ADCY3: variants seen among roughly 807,000 people sequenced by gnomAD.
The protein encoded by ADCY3 is adenylate cyclase 3.
ADCY3 carries 70 observed loss-of-function variants against 119.4 expected under a neutral mutation model. The observed-to-expected ratio is 0.59, with a 90% CI of 0.48 to 0.72. The LOEUF (loss-of-function observed/expected upper bound fraction) is 0.72, where lower values mean the gene tolerates loss of function less well. ADCY3 is among the 30% of genes least tolerant of loss of function. The pLI is 0.00. For missense variants in ADCY3, 1,238 were observed against 1,541.6 expected, an observed-to-expected ratio of 0.80 and a Z score of 3.30; for synonymous variants, 672 against 621.4, an observed-to-expected ratio of 1.08 and a Z score of -1.21.
chr2:24,823,786 G>T (rs1668173149), intron 17 of ADCY3, among the ~76,000 whole-genome samples: 1 of 151,738 alleles, frequency 6.6e-6, no homozygotes, highest in African/African-American at 2.4e-5. Flanking sequence ...CCACCTCCCG[G>T]GTTCAAGTGA....
chr2:24,892,530 C>A (rs987067942), intron 2 of ADCY3, among the ~76,000 whole-genome samples: 7 of 152,010 alleles, frequency 4.6e-5, no homozygotes, highest in Non-Finnish European at 7.4e-5. Flanking sequence ...GGATTATAGG[C>A]GTGAGCCACC....
Position 24,819,941 on chromosome 2 carries a change from G to C in ADCY3, c.3426C>G (p.Asp1142Glu). The C allele has an allele frequency of 6.2e-7, 1 of 1,613,922 alleles. No individual in the cohort carries two copies. Among genetic ancestry groups the C allele is most frequent in the East Asian group, 2.2e-5 (1 of 44,856 alleles). ...PSVTLPHQVVDNS is the reference protein window; with the variant it reads ...PSVTLPHQVVENS ...GCAGGCTCGAGGCCATTCAGGAGTT[G>C]TCCACCACCTGGTGGGGCAGTGTGA... The change falls in exon 22 of 22, where the codon GAC becomes GAG. Residue 1142 changes from aspartate to glutamate, a missense_variant. Coordinates refer to ENST00000679454, the MANE Select transcript of ADCY3 (RefSeq NM_004036.5).
At chr2:24,831,426 A>AGGCCCACCAC (rs1669490303) in intron 12 of ADCY3, among the ~76,000 whole-genome samples, 1 of 152,232 alleles carries the variant, frequency 6.6e-6, no homozygotes, top group African/African-American at 2.4e-5. Flanking sequence ...CGGCCCAACA[A>AGGCCCACCAC]GGCCCACCAC....
At chr2:24,821,399 G>GAACCTCCCC in intron 20 of ADCY3, 118 bp downstream of exon 20, 1 of 1,447,934 alleles carries the variant, frequency 6.9e-7, no homozygotes, top group Non-Finnish European at 9.3e-7. Flanking sequence ...GTGAGTGCGT[G>GAACCTCCCC]AACCTCCCCA....
At chr2:24,900,821 T>C (rs1294704877) in intron 2 of ADCY3, among the ~76,000 whole-genome samples, 1 of 152,048 alleles carries the variant, frequency 6.6e-6, no homozygotes, top group Non-Finnish European at 1.5e-5. Context: ...TCCCAGCAGT[T>C]TGGGAGGCCG....
intron 3 of ADCY3, among the ~76,000 whole-genome samples, chr2:24,846,615 G>C (rs1671677693): frequency 7.5e-6 from 1 of 134,082 alleles, no homozygotes; most frequent in Non-Finnish European, 1.6e-5. Flanking sequence ...TCTCGCTCTT[G>C]TCCCCCAGGC....
chr2:24,895,131 G>T (rs563425521), intron 2 of ADCY3, among the ~76,000 whole-genome samples: 2 of 151,356 alleles, frequency 1.3e-5, no homozygotes, highest in African/African-American at 2.4e-5. Flanking sequence ...TTGCTCTGTC[G>T]CCAGGCTGGA....
chr2:24,843,651 G>A (rs964429250), intron 3 of ADCY3, among the ~76,000 whole-genome samples: 10 of 152,222 alleles, frequency 6.6e-5, no homozygotes, highest in Admixed American at 1.3e-4. Flanking sequence ...TGGCTTGGGC[G>A]GTGCCGGTCT....
At chr2:24,826,183 C>T in intron 15 of ADCY3, 57 bp from the exon 16 acceptor site, 1 of 1,482,182 alleles carries the variant, frequency 6.7e-7, no homozygotes, top group Non-Finnish European at 9.4e-7. Flanking sequence ...TGGAGGGGGC[C>T]TGATTCCCTC....
rs115781538 is a variant in ADCY3 at position 24,842,024 on chromosome 2, G to A, written c.956+230C>T. ...GTGACCTCACAGGAGTCCCTTCCCC[G>A]CTCCAGGTGATATCTGTTCTATGAT... On this transcript the variant is annotated intron_variant, in intron 4 of 21. Transcript: ENST00000679454. The surrounding 1 kb of genome is among the most constrained non-coding windows in gnomAD (Gnocchi z 4.9). 4.7e-4 allele frequency among the ~76,000 whole-genome samples: 71 copies of A among 152,248 alleles called. No homozygotes were observed. The highest frequency in any genetic ancestry group is 1.5e-3 in the African/African-American group (63 of 41,552).
chr2:24,831,081 G>A (rs1056075), intron 12 of ADCY3, among the ~76,000 whole-genome samples: 4,477 of 152,212 alleles, frequency 0.029, 73 homozygotes, highest in South Asian at 0.051. Context: ...CACAGCAGAC[G>A]TGGTGACGAG....
At chr2:24,846,677 C>G (rs1212988740) in intron 3 of ADCY3, among the ~76,000 whole-genome samples, 2 of 151,412 alleles carry the variant, frequency 1.3e-5, no homozygotes, top group Non-Finnish European at 2.9e-5. Flanking sequence ...CTCCCCAGTT[C>G]AAGCAATTCT....
chr2:24,900,510 G>T (rs574468058), intron 2 of ADCY3, among the ~76,000 whole-genome samples: 2 of 151,904 alleles, frequency 1.3e-5, no homozygotes, highest in Admixed American at 6.6e-5. Flanking sequence ...TTTGTGTCCC[G>T]CAGCTAGGCA....
chr2:24,859,790 G>A (rs1324141330), intron 3 of ADCY3, among the ~76,000 whole-genome samples: 1 of 152,168 alleles, frequency 6.6e-6, no homozygotes, highest in Non-Finnish European at 1.5e-5. Context: ...GAGGTGGGGA[G>A]AGGCAGCTGT....
intron 15 of ADCY3, 39 bp from the exon 16 acceptor site, chr2:24,826,165 C>T: frequency 6.3e-7 from 1 of 1,587,408 alleles, no homozygotes. Flanking sequence ...GGGCTGTCAT[C>T]TGCCTCCTGG....
intron 2 of ADCY3, among the ~76,000 whole-genome samples, chr2:24,883,973 T>A (rs1676712632): frequency 6.6e-6 from 1 of 152,222 alleles, no homozygotes; most frequent in South Asian, 2.1e-4. Flanking sequence ...AAAACCCACA[T>A]CATCTGCTCT....
In ADCY3 at chr2:24,872,559, G is replaced by A. The variant is rs1366876950; in HGVS notation, c.825+11C>T. The A allele has an allele frequency of 9.3e-6, 15 of 1,613,002 alleles. No homozygotes were observed. The highest frequency in any genetic ancestry group is 6.7e-5 in the Admixed American group (4 of 59,960). ...CCAAGCTCCAGGCCCGAGGCCTCCCGAGAGCCTCACCTGCTGCTGGCTCTG... is the reference window on the plus strand; with the variant it reads ...CCAAGCTCCAGGCCCGAGGCCTCCCAAGAGCCTCACCTGCTGCTGGCTCTG... On this transcript the variant is annotated intron_variant, in intron 3 of 21. Coordinates refer to ENST00000679454, the MANE Select transcript of ADCY3 (RefSeq NM_004036.5). This position sits in a 1 kb window ranked among gnomAD's most constrained non-coding sequence, Gnocchi z 4.4.
At chr2:24,840,100 T>G in intron 6 of ADCY3, 69 bp from the exon 7 acceptor site, 1 of 1,544,504 alleles carries the variant, frequency 6.5e-7, no homozygotes, top group Non-Finnish European at 8.8e-7. Flanking sequence ...CCCCTGCTCC[T>G]GCAGGAGAAA....
chr2:24,820,808 G>A lies in ADCY3; in HGVS notation c.3168C>T (p.Ala1056=). 1 of 1,613,988 alleles carries A rather than the reference G, an allele frequency of 6.2e-7. No individual in the cohort carries two copies. Among genetic ancestry groups the A allele is most frequent in the Non-Finnish European group, 8.5e-7 (1 of 1,179,980 alleles). ...CCCAGATGTCGTAGTGTGGTTTCCG[G>A]GCTCCGATGACCCCAGCCAGAACCC... ...KGGVLAGVIG[A]RKPHYDIWGN... The change falls in exon 21 of 22, where the codon GCC becomes GCT. Residue 1056 remains alanine (A), a synonymous_variant. Transcript: ENST00000679454.
Sources: gnomAD v4.1 joint callset for allele counts (sites outside exome capture counted in the v4.1 genomes callset) on GRCh38, gnomAD v4.1.1 for gene constraint, Gnocchi (gnomAD v3.1) non-coding constraint, MANE v1.5 for transcripts, NCBI Gene and HGNC (gene_info 2026-07-23, HGNC 2026-07-21) for gene names.